DAB1: variants seen among roughly 807,000 people sequenced by gnomAD.
The protein encoded by DAB1 is DAB adaptor protein 1, also known as disabled homolog 1.
DAB1 carries 15 observed loss-of-function variants against 64.6 expected under a neutral mutation model. The observed-to-expected ratio is 0.23, with a 90% CI of 0.16 to 0.36. DAB1 has a LOEUF of 0.36. DAB1 is among the 10% of genes least tolerant of loss of function. DAB1 has a pLI of 1.00. For missense variants in DAB1, 596 were observed against 706.7 expected, an observed-to-expected ratio of 0.84 and a Z score of 1.78; for synonymous variants, 235 against 251.9, an observed-to-expected ratio of 0.93 and a Z score of 0.64.
intron 4 of DAB1, among the ~76,000 whole-genome samples, chr1:58,328,675 G>A (rs1032822564): frequency 6.6e-6 from 1 of 151,784 alleles, no homozygotes; most frequent in African/African-American, 2.4e-5. Flanking sequence ...GAGTAATCTC[G>A]GCTCACTGCA....
At chr1:57,621,422 G>A (rs1246992599) in intron 7 of DAB1, among the ~76,000 whole-genome samples, 1 of 151,730 alleles carries the variant, frequency 6.6e-6, no homozygotes, top group Non-Finnish European at 1.5e-5. Context: ...CAGAACTCAT[G>A]AACCCTCACT....
At chr1:57,462,660 A>T (rs990571395) in intron 7 of DAB1, among the ~76,000 whole-genome samples, 1 of 152,192 alleles carries the variant, frequency 6.6e-6, no homozygotes, top group Non-Finnish European at 1.5e-5. Flanking sequence ...TTAAATGAAG[A>T]AACAGAAGCA....
Position 57,033,415 on chromosome 1 carries a change from C to G in DAB1, c.724-7372G>C. 2.5e-6 allele frequency: 4 copies of G among 1,612,924 alleles called. No individual in the cohort carries two copies. In the South Asian group the frequency reaches 4.4e-5, roughly 18 times the overall value. ...GTTGCCTCAAAAATCTCATCAAAGT[C>G]TGTGGGCAGGTTTCTGTTCTGTAAC... On this transcript the variant is annotated intron_variant, in intron 9 of 14. Coordinates refer to ENST00000371236, the MANE Select transcript of DAB1 (RefSeq NM_001365792.1).
intron 5 of DAB1, among the ~76,000 whole-genome samples, chr1:58,043,696 C>T (rs750618064): frequency 6.6e-6 from 1 of 152,152 alleles, no homozygotes; most frequent in Non-Finnish European, 1.5e-5. Context: ...GAAATGAATA[C>T]TTGACAGAGT....
At chr1:58,169,287 T>A (rs1241358348) in intron 4 of DAB1, among the ~76,000 whole-genome samples, 4 of 152,078 alleles carry the variant, frequency 2.6e-5, no homozygotes, top group Non-Finnish European at 5.9e-5. Context: ...TAAGAGGTGT[T>A]TCTGCTGCTG....
intron 10 of DAB1, among the ~76,000 whole-genome samples, chr1:57,025,312 T>C (rs185668180): frequency 1.1e-4 from 16 of 152,322 alleles, no homozygotes; most frequent in Non-Finnish European, 1.6e-4. Flanking sequence ...AATTAGGTTC[T>C]CCCTGCAATC....
In DAB1 at chr1:57,123,602, A is replaced by G. The variant is rs566175165; in HGVS notation, c.306+12941T>C. Among the ~76,000 whole-genome samples the G allele has an allele frequency of 1.1e-3, 162 of 152,298 alleles. 1 individual carries two copies. Among genetic ancestry groups the G allele is most frequent in the African/African-American group, 3.7e-3 (155 of 41,574 alleles). ...CACATGTTGACCTAGTAATCCTAGA[A>G]TTTCAATGAAGGAAATAATGACAGT... On this transcript the variant is annotated intron_variant, in intron 4 of 14. Transcript: ENST00000371236.
At chr1:57,808,260 T>C (rs1439492288) in intron 6 of DAB1, among the ~76,000 whole-genome samples, 3 of 151,952 alleles carry the variant, frequency 2.0e-5, no homozygotes, top group African/African-American at 4.8e-5. Context: ...TTTCTCTCCT[T>C]AGAAAAAACT....
At chr1:57,488,765 G>T (rs1039469887) in intron 7 of DAB1, among the ~76,000 whole-genome samples, 1 of 151,996 alleles carries the variant, frequency 6.6e-6, no homozygotes, top group Non-Finnish European at 1.5e-5. Flanking sequence ...AACATACATA[G>T]CTAGACTCAC....
At chr1:57,730,646 A>C (rs562743935) in intron 6 of DAB1, among the ~76,000 whole-genome samples, 1 of 152,254 alleles carries the variant, frequency 6.6e-6, no homozygotes, top group East Asian at 1.9e-4. Context: ...ATTGATCTTT[A>C]CTTCTCACAT....
chr1:57,243,361 A>T (rs1668632186), intron 2 of DAB1, among the ~76,000 whole-genome samples: 1 of 152,212 alleles, frequency 6.6e-6, no homozygotes, highest in African/African-American at 2.4e-5. Flanking sequence ...TCTCTCCCAC[A>T]GACATGCACA....
chr1:57,752,201 G>C (rs766988501), intron 6 of DAB1, among the ~76,000 whole-genome samples: 3 of 152,190 alleles, frequency 2.0e-5, no homozygotes, highest in Non-Finnish European at 4.4e-5. Flanking sequence ...TCCAAATGGA[G>C]AGTATATTTT....
At chr1:57,343,569 G>A (rs34600157) in intron 1 of DAB1, among the ~76,000 whole-genome samples, 4,085 of 152,322 alleles carry the variant, frequency 0.027, 75 homozygotes, top group South Asian at 0.052. Context: ...CAGGCATGGC[G>A]GGCTGCAGGT....
chr1:57,266,514 CA>C (rs145316178), intron 2 of DAB1, among the ~76,000 whole-genome samples: 4,787 of 152,288 alleles, frequency 0.031, 73 homozygotes, highest in Non-Finnish European at 0.038. Context: ...AAGCCTTCTC[CA>C]ATCTCCCAGG....
chr1:57,065,592 C>T (rs1022185335), intron 8 of DAB1, among the ~76,000 whole-genome samples: 10 of 152,308 alleles, frequency 6.6e-5, no homozygotes, highest in Admixed American at 2.6e-4. Context: ...TGCCTAATCG[C>T]CAAGCATTCA....
In DAB1 at chr1:57,347,866, C is replaced by G. The variant is rs1042773685; in HGVS notation, c.-136-56700G>C. Reference sequence around the variant, plus strand: ...CTAAAAGGAGCAAGTGCACAGTAGGCAAGAGATGTCAGGTAAGATGAGGGG... The same window carrying G: ...CTAAAAGGAGCAAGTGCACAGTAGGGAAGAGATGTCAGGTAAGATGAGGGG... On this transcript the variant is annotated intron_variant, in intron 1 of 14. Transcript: ENST00000371236. 3.9e-5 allele frequency among the ~76,000 whole-genome samples: 6 copies of G among 152,036 alleles called. No homozygotes were observed. The East Asian group carries it at 1.2e-3, about 29-fold the overall frequency.
At chr1:58,238,476 A>T (rs2100370959) in intron 4 of DAB1, among the ~76,000 whole-genome samples, 1 of 152,274 alleles carries the variant, frequency 6.6e-6, no homozygotes, top group African/African-American at 2.4e-5. Context: ...AGTCCAGAGG[A>T]GAGGACCAGA....
At chr1:58,283,614 T>C (rs771986245) in intron 4 of DAB1, among the ~76,000 whole-genome samples, 1 of 152,208 alleles carries the variant, frequency 6.6e-6, no homozygotes, top group Non-Finnish European at 1.5e-5. Flanking sequence ...CGAGTCACTT[T>C]GTCTCTGAGC....
intron 1 of DAB1, among the ~76,000 whole-genome samples, chr1:57,389,547 T>C (rs17115722): frequency 0.11 from 16,517 of 152,134 alleles, 980 homozygotes; most frequent in Admixed American, 0.13. Context: ...ACTGCATATA[T>C]GATGAACTCC....
Sources: allele counts gnomAD v4.1 joint callset (sites outside exome capture counted in the v4.1 genomes callset), GRCh38; gene constraint gnomAD v4.1.1; transcripts MANE v1.5; gene names NCBI Gene and HGNC (gene_info 2026-07-23, HGNC 2026-07-21).